The following GPR180 variants were observed in gnomAD, a reference collection of about 807,000 sequenced individuals.
GPR180 encodes the protein G protein-coupled receptor 180.
GPR180 carries 53 observed loss-of-function variants against 52.6 expected under a neutral mutation model. That is an observed-to-expected ratio of 1.01 (90% CI 0.81 to 1.27). The LOEUF (loss-of-function observed/expected upper bound fraction) is 1.27. Among genes scored for constraint, GPR180 ranks in the 50% most tolerant of loss-of-function variants. The pLI is 0.00. For synonymous variants in GPR180, 200 were observed against 193.1 expected (o/e 1.04, Z -0.30); for missense variants, 533 against 527.0 (o/e 1.01, Z -0.11).
Position 94,612,401 on chromosome 13 carries a change from G to T in GPR180, c.505+11G>T, listed in dbSNP as rs1158227319. The T allele has an allele frequency of 6.5e-7, 1 of 1,549,392 alleles. No homozygotes were observed. Among genetic ancestry groups the T allele is most frequent in the Admixed American group, 1.7e-5 (1 of 59,536 alleles). ...GTGCTGGAGAATCTGGTAAGAATAT[G>T]TATTTGAATATATCCTAAATTCAGG... On this transcript the variant is annotated intron_variant, in intron 3 of 8. Transcript: ENST00000376958.
chr13:94,623,428 A>G (rs557111243), intron 7 of GPR180, 128 bp downstream of exon 7: 15 of 683,700 alleles, frequency 2.2e-5, no homozygotes, highest in South Asian at 8.4e-5. Flanking sequence ...GCTCACTCCT[A>G]TAATCCCAGT....
At chr13:94,623,059 A>G in intron 6 of GPR180, 50 bp from the exon 7 acceptor site, 1 of 1,328,634 alleles carries the variant, frequency 7.5e-7, no homozygotes, top group Non-Finnish European at 1.1e-6. Context: ...AAAATATTGT[A>G]ATGAGGTATA....
At chr13:94,616,482 A>G (rs573704634) in intron 3 of GPR180, among the ~76,000 whole-genome samples, 6 of 152,290 alleles carry the variant, frequency 3.9e-5, no homozygotes, top group East Asian at 1.9e-4. Context: ...ATTTACCATC[A>G]TTTAGCTGGG....
Position 94,633,994 on chromosome 13 carries a change from A to G in GPR180, c.*6823A>G, listed in dbSNP as rs1235997180. 3 of 152,162 alleles carry G rather than the reference A, an allele frequency of 2.0e-5. No individual in the cohort carries two copies. The highest frequency in any genetic ancestry group is 7.2e-5 in the African/African-American group (3 of 41,436). 9.4% of individuals were successfully genotyped at this position (152,162 alleles called of 1,614,324 possible). ...AATTGGTTTCTGGACTTTTAAGGCT[A>G]TCTGATGAACTGTTGATCTGGTACC... On this transcript the variant is annotated 3_prime_UTR_variant, in exon 9 of 9. Coordinates refer to ENST00000376958, the MANE Select transcript of GPR180 (RefSeq NM_180989.6).
At chr13:94,621,631 T>C (rs1036874406) in intron 6 of GPR180, among the ~76,000 whole-genome samples, 17 of 152,178 alleles carry the variant, frequency 1.1e-4, no homozygotes, top group African/African-American at 4.1e-4. Context: ...TTGAGATTTA[T>C]CCATTGTCAA....
Position 94,625,375 on chromosome 13 carries a change from C to T in GPR180, c.1087-591C>T, listed in dbSNP as rs1327935574. ...ATATCTTGTTTTTTTCTCCCTATAT[C>T]TTTAATGTACCAAACATTTCAACAG... On this transcript the variant is annotated intron_variant, in intron 7 of 8. Coordinates refer to ENST00000376958, the MANE Select transcript of GPR180 (RefSeq NM_180989.6). Among the ~76,000 whole-genome samples, 3 of 152,100 alleles carry T rather than the reference C, an allele frequency of 2.0e-5. No individual in the cohort carries two copies. The East Asian group carries it at 5.8e-4, about 29-fold the overall frequency.
chr13:94,625,631 C>CT (rs1307764965), intron 7 of GPR180, among the ~76,000 whole-genome samples: 1 of 151,998 alleles, frequency 6.6e-6, no homozygotes, highest in South Asian at 2.1e-4. Flanking sequence ...AATGTACATT[C>CT]TTTTTTCTTT....
At chr13:94,625,937 T>C (rs753504938) in intron 7 of GPR180, 29 bp from the exon 8 acceptor site, 3 of 1,565,592 alleles carry the variant, frequency 1.9e-6, no homozygotes, top group Admixed American at 1.7e-5. Flanking sequence ...TACACAGTTC[T>C]ACTTATTTCA....
In GPR180 at chr13:94,633,544, T is replaced by G. The variant is rs567369933; in HGVS notation, c.*6373T>G. ...CGATCTGTTAACATATTTTTCCCAC[T>G]TTTCTATTGGGTTGGTTGTCTTTTT... On this transcript the variant is annotated 3_prime_UTR_variant, in exon 9 of 9. Coordinates refer to ENST00000376958, the MANE Select transcript of GPR180 (RefSeq NM_180989.6). 5.3e-5 allele frequency: 8 copies of G among 152,282 alleles called. No homozygotes were observed. In the South Asian group the frequency reaches 1.7e-3, roughly 32 times the overall value. 9.4% of individuals were successfully genotyped at this position (152,282 alleles called of 1,614,324 possible).
intron 1 of GPR180, among the ~76,000 whole-genome samples, chr13:94,602,292 C>T (rs184147787): frequency 2.0e-5 from 3 of 152,216 alleles, no homozygotes; most frequent in Non-Finnish European, 4.4e-5. Flanking sequence ...GCAGCGGCCT[C>T]TCGCCACTAG....
chr13:94,618,026 TAAG>T (rs1295765740), intron 3 of GPR180, among the ~76,000 whole-genome samples: 1 of 152,208 alleles, frequency 6.6e-6, no homozygotes, highest in Non-Finnish European at 1.5e-5. Context: ...AGTGACATAA[TAAG>T]GTTACATGAA....
At chr13:94,623,065 G>C (rs1236175829) in intron 6 of GPR180, 44 bp from the exon 7 acceptor site, 3 of 1,378,912 alleles carry the variant, frequency 2.2e-6, no homozygotes, top group Non-Finnish European at 3.0e-6. Context: ...TTGTAATGAG[G>C]TATATTTTTT....
In GPR180 at chr13:94,633,530, C is replaced by G. The variant is rs879334094; in HGVS notation, c.*6359C>G. The stretch of plus-strand genomic sequence containing the variant: ...TCTTTCCAGTTCTACGATCTGTTAA[C>G]ATATTTTTCCCACTTTTCTATTGGG... On this transcript the variant is annotated 3_prime_UTR_variant, in exon 9 of 9. Coordinates refer to ENST00000376958, the MANE Select transcript of GPR180 (RefSeq NM_180989.6). 4 of 151,986 alleles carry G rather than the reference C, an allele frequency of 2.6e-5. No individual in the cohort carries two copies. The highest frequency in any genetic ancestry group is 5.9e-5 in the Non-Finnish European group (4 of 67,990). The allele number at this position is 151,986 out of a possible 1,614,324, so 9.4% of individuals were successfully genotyped here. A position where few individuals can be genotyped will look rare whatever the true frequency, so the allele number is the denominator to read the frequency against.
intron 6 of GPR180, among the ~76,000 whole-genome samples, chr13:94,621,721 TAA>T: frequency 6.6e-6 from 1 of 152,214 alleles, no homozygotes; most frequent in African/African-American, 2.4e-5. Context: ...AAATATAGAC[TAA>T]AAAAGAATGG....
chr13:94,626,080 G>A (rs1378686075), intron 8 of GPR180, 37 bp downstream of exon 8: 6 of 1,374,038 alleles, frequency 4.4e-6, no homozygotes, highest in African/African-American at 1.4e-5. Flanking sequence ...TTTTCTTAAT[G>A]AAAATATTGT....
rs748137363 is a variant in GPR180, at chr13:94,601,986, G to C, written c.59G>C (p.Ser20Thr). The C allele has an allele frequency of 1.7e-5, 26 of 1,495,146 alleles. 1 individual carries two copies. In the African/African-American group the frequency reaches 3.8e-4, roughly 22 times the overall value. The allele number at this position is 1,495,146 out of a possible 1,614,324, so 92.6% of individuals were successfully genotyped here. A position where few individuals can be genotyped will look rare whatever the true frequency, so the allele number is the denominator to read the frequency against. Residue 20 changes from serine (S) to threonine (T), a missense_variant, in exon 1 of 9, where the codon AGC becomes ACC. Physicochemically the swap from Ser to Thr is moderately conservative, Grantham distance 58. Transcript: ENST00000376958. ...ACGTGCTGCTGGTGGCCGCAGGGCA[G>C]CCAGGGTAAGACCCTGCGGGGCAGC... ...ALTCCWWPQGSQGKTLRGSFS... is the reference protein window; with the variant it reads ...ALTCCWWPQGTQGKTLRGSFS...
chr13:94,634,348 A>G lies in GPR180; in HGVS notation c.*7177A>G, dbSNP rs1000521783. The G allele has an allele frequency of 6.6e-6, 1 of 152,062 alleles. No individual in the cohort carries two copies. Among genetic ancestry groups the G allele is most frequent in the African/African-American group, 2.4e-5 (1 of 41,420 alleles). The allele number at this position is 152,062 out of a possible 1,614,324, so 9.4% of individuals were successfully genotyped here. ...AGGTTTTCCCATAGTGATCCAAGAA[A>G]CTAGTACGAAATGCCTTTCTGATTT... On this transcript the variant is annotated 3_prime_UTR_variant, in exon 9 of 9. Transcript: ENST00000376958.
chr13:94,628,268 C>G lies in GPR180; in HGVS notation c.*1097C>G, dbSNP rs1356490343. ...GATGCCCCAGTATTGAGTATGCTAG[C>G]TAAAAAATATCAAGTGCCTGATTAA... On this transcript the variant is annotated 3_prime_UTR_variant, in exon 9 of 9. Coordinates refer to ENST00000376958, the MANE Select transcript of GPR180 (RefSeq NM_180989.6). 1 of 152,302 alleles carries G rather than the reference C, an allele frequency of 6.6e-6. No individual in the cohort carries two copies. The highest frequency in any genetic ancestry group is 1.9e-4 in the East Asian group (1 of 5,198). The allele number at this position is 152,302 out of a possible 1,614,324, so 9.4% of individuals were successfully genotyped here.
At position 94,619,325 on chromosome 13, in the gene GPR180, C is replaced by T; in HGVS notation, c.681C>T (p.Phe227=). 1 of 1,613,668 alleles carries T rather than the reference C, an allele frequency of 6.2e-7. No homozygotes were observed. Among genetic ancestry groups the T allele is most frequent in the Non-Finnish European group, 8.5e-7 (1 of 1,179,740 alleles). Reference sequence around the variant, plus strand: ...CAGCTTTAGCTAATTACATTCATTTCTCCAGGTAACTCAAAACCACTAAAA... The same window carrying T: ...CAGCTTTAGCTAATTACATTCATTTTTCCAGGTAACTCAAAACCACTAAAA... The part of the protein sequence containing the change: ...AGSALANYIH[F]SSYSKDGIGV... Residue 227 remains phenylalanine (F), a synonymous_variant, in exon 4 of 9, where the codon TTC becomes TTT. Coordinates refer to ENST00000376958, the MANE Select transcript of GPR180 (RefSeq NM_180989.6).
Sources: gnomAD v4.1 joint callset for allele counts (sites outside exome capture counted in the v4.1 genomes callset) on GRCh38, gnomAD v4.1.1 for gene constraint, MANE v1.5 for transcripts, NCBI Gene and HGNC (gene_info 2026-07-23, HGNC 2026-07-21) for gene names.